The following PHACTR1 variants were observed in gnomAD, a reference collection of about 807,000 sequenced individuals.
PHACTR1 encodes the protein RPEL repeat containing 1.
PHACTR1 carries 16 observed loss-of-function variants against 69.2 expected under a neutral mutation model. The observed-to-expected ratio is 0.23, with a 90% CI of 0.16 to 0.35. The LOEUF (loss-of-function observed/expected upper bound fraction) is 0.35, where lower values mean the gene tolerates loss of function less well. Among genes scored for constraint, PHACTR1 ranks in the 10% least tolerant of loss-of-function variants. The probability of loss-of-function intolerance (pLI) is 1.00; values close to 1 mark genes in which losing one functional copy is unlikely to be tolerated. For synonymous variants in PHACTR1, 312 were observed against 284.5 expected, an observed-to-expected ratio of 1.10 and a Z score of -0.97; for missense variants, 510 against 734.7, an observed-to-expected ratio of 0.69 and a Z score of 3.54.
chr6:13,139,956 G>A (rs1419758883), intron 5 of PHACTR1, among the ~76,000 whole-genome samples: 1 of 152,166 alleles, frequency 6.6e-6, no homozygotes, highest in East Asian at 1.9e-4. Context: ...GAGGACTTTA[G>A]TTTGTAATAT....
At chr6:12,762,811 G>T (rs576007883) in intron 4 of PHACTR1, among the ~76,000 whole-genome samples, 2 of 152,122 alleles carry the variant, frequency 1.3e-5, no homozygotes, top group Non-Finnish European at 2.9e-5. Flanking sequence ...TATAGGTCAG[G>T]TCCTTTCAGG....
At chr6:12,805,611 C>CTTTT (rs1216399730) in intron 4 of PHACTR1, among the ~76,000 whole-genome samples, 1 of 150,456 alleles carries the variant, frequency 6.6e-6, no homozygotes, top group Non-Finnish European at 1.5e-5. Context: ...TTCTTTCTTT[C>CTTTT]TTTTTTTTGG....
At chr6:13,111,145 G>A (rs1053845650) in intron 5 of PHACTR1, among the ~76,000 whole-genome samples, 3 of 152,088 alleles carry the variant, frequency 2.0e-5, no homozygotes, top group African/African-American at 7.2e-5. Context: ...TGAAATTACT[G>A]TGTCAAAGGA....
At chr6:12,734,273 C>T (rs1763951658) in intron 3 of PHACTR1, among the ~76,000 whole-genome samples, 1 of 152,170 alleles carries the variant, frequency 6.6e-6, no homozygotes, top group African/African-American at 2.4e-5. Flanking sequence ...AACTTTTTTA[C>T]AAGGTCTAAT....
chr6:13,150,822 TAAGA>T (rs1361595845), intron 5 of PHACTR1, among the ~76,000 whole-genome samples: 1 of 152,232 alleles, frequency 6.6e-6, no homozygotes, highest in Non-Finnish European at 1.5e-5. Context: ...CTCTTTATCT[TAAGA>T]AAGCATTTTT....
intron 4 of PHACTR1, among the ~76,000 whole-genome samples, chr6:12,780,638 A>G (rs1327434273): frequency 6.6e-6 from 1 of 152,152 alleles, no homozygotes; most frequent in Non-Finnish European, 1.5e-5. Context: ...ACCAACTCTG[A>G]GCGTAAACAG....
intron 10 of PHACTR1, among the ~76,000 whole-genome samples, chr6:13,238,909 C>T (rs1462875688): frequency 6.6e-6 from 1 of 152,116 alleles, no homozygotes; most frequent in Non-Finnish European, 1.5e-5. Flanking sequence ...TGTGAATTAC[C>T]ACTCCAAAGA....
At chr6:12,808,883 G>A (rs1774686765) in intron 4 of PHACTR1, among the ~76,000 whole-genome samples, 2 of 150,430 alleles carry the variant, frequency 1.3e-5, no homozygotes, top group South Asian at 4.2e-4. Context: ...TTTGGGGGCG[G>A]TGGGTGGTGA....
intron 3 of PHACTR1, among the ~76,000 whole-genome samples, chr6:12,738,956 C>T (rs1301663973): frequency 6.6e-6 from 1 of 152,120 alleles, no homozygotes; most frequent in Non-Finnish European, 1.5e-5. Context: ...TTTAATCTAT[C>T]CATTTATTAT....
intron 7 of PHACTR1, among the ~76,000 whole-genome samples, chr6:13,201,956 C>G (rs921697270): frequency 6.6e-6 from 1 of 152,230 alleles, no homozygotes; most frequent in Non-Finnish European, 1.5e-5. Flanking sequence ...ATGAAATCCA[C>G]TGAGCCAAAA....
rs570381277 is a variant in PHACTR1, at chr6:12,977,307, C to A, written c.251-76058C>A. Among the ~76,000 whole-genome samples the A allele has an allele frequency of 3.3e-5, 5 of 152,156 alleles. No individual in the cohort carries two copies. In the South Asian group the frequency reaches 1.0e-3, roughly 32 times the overall value. On this transcript the variant is annotated intron_variant, in intron 4 of 14. Transcript: ENST00000332995. The stretch of plus-strand genomic sequence containing the variant: ...GAGGGTGTTGGAATGTACCTCCCTG[C>A]AGATAAGGAGGGACGGCTATATATT...
chr6:13,076,950 G>C (rs548427232), intron 5 of PHACTR1, among the ~76,000 whole-genome samples: 2 of 121,232 alleles, frequency 1.6e-5, no homozygotes, highest in Non-Finnish European at 3.4e-5. Flanking sequence ...GCGGTGGGGT[G>C]GGGGGAGGGG....
At chr6:13,180,363 A>G (rs933517689) in intron 6 of PHACTR1, among the ~76,000 whole-genome samples, 1 of 152,186 alleles carries the variant, frequency 6.6e-6, no homozygotes, top group Non-Finnish European at 1.5e-5. Flanking sequence ...CTTTTAATCT[A>G]TAGAGAGCCC....
chr6:13,221,535 T>C (rs771191031), intron 8 of PHACTR1, among the ~76,000 whole-genome samples: 16 of 152,218 alleles, frequency 1.1e-4, no homozygotes, highest in Non-Finnish European at 1.5e-5. Flanking sequence ...GATCAGGTCC[T>C]GTAGTCTGAT....
intron 5 of PHACTR1, among the ~76,000 whole-genome samples, chr6:13,074,882 TGGA>T (rs1810175218): frequency 6.6e-6 from 1 of 152,062 alleles, no homozygotes; most frequent in Non-Finnish European, 1.5e-5. Context: ...CAAGATGAGG[TGGA>T]GAACAGTATG....
At chr6:12,985,587 CACTT>C (rs1197804231) in intron 4 of PHACTR1, among the ~76,000 whole-genome samples, 4 of 147,700 alleles carry the variant, frequency 2.7e-5, no homozygotes, top group Non-Finnish European at 5.9e-5. Context: ...GTCATACACA[CACTT>C]ACACAAACAC....
chr6:13,280,056 C>T (rs1779805900), intron 12 of PHACTR1: 1 of 152,132 alleles, frequency 6.6e-6, no homozygotes, highest in South Asian at 2.1e-4. Context: ...AATACTTAGA[C>T]ATTTATTTAA....
At chr6:12,906,051 C>T (rs943075857) in intron 4 of PHACTR1, among the ~76,000 whole-genome samples, 3 of 152,176 alleles carry the variant, frequency 2.0e-5, no homozygotes, top group Admixed American at 2.0e-4. Flanking sequence ...AATTAAGGCA[C>T]ATTTTGTGTG....
At chr6:12,983,610 A>T (rs553631815) in intron 4 of PHACTR1, among the ~76,000 whole-genome samples, 1 of 152,210 alleles carries the variant, frequency 6.6e-6, no homozygotes, top group South Asian at 2.1e-4. Flanking sequence ...GGTTTGTTAC[A>T]TATGTATCCA....
Sources: gnomAD v4.1 joint callset for allele counts (sites outside exome capture counted in the v4.1 genomes callset) on GRCh38, gnomAD v4.1.1 for gene constraint, MANE v1.5 for transcripts, NCBI Gene and HGNC (gene_info 2026-07-23, HGNC 2026-07-21) for gene names.